Variants in FILIP1 observed in about 807,000 individuals in gnomAD.
FILIP1 encodes the protein filamin A interacting protein 1.
A neutral mutation model predicts 102.1 loss-of-function variants in FILIP1; 61 were observed. The ratio of observed to expected loss-of-function variants is 0.60; its 90% confidence interval spans 0.49 to 0.74. The LOEUF (loss-of-function observed/expected upper bound fraction) is 0.74, where lower values mean the gene tolerates loss of function less well. Ranked by LOEUF, FILIP1 falls within the 30% of genes least tolerant of loss-of-function variation. FILIP1 has a pLI of 0.00. For missense variants in FILIP1, 1,314 were observed against 1,441.2 expected (o/e 0.91, Z 1.43); for synonymous variants, 491 against 526.9 (o/e 0.93, Z 0.93).
intron 1 of FILIP1, among the ~76,000 whole-genome samples, chr6:75,457,433 G>A (rs1443371764): frequency 6.6e-6 from 1 of 152,134 alleles, no homozygotes. Flanking sequence ...TGACTGATGT[G>A]GGGTAAAATG....
intron 1 of FILIP1, chr6:75,465,597 T>A: frequency 2.4e-6 from 1 of 420,018 alleles, no homozygotes; most frequent in Non-Finnish European, 4.3e-6. Flanking sequence ...CTCTTCTCCA[T>A]CCCCTCATTC....
chr6:75,476,884 C>A (rs1392223464), intron 1 of FILIP1, among the ~76,000 whole-genome samples: 1 of 152,204 alleles, frequency 6.6e-6, no homozygotes, highest in East Asian at 1.9e-4. Context: ...GGTTTGATCT[C>A]ACTGAATGTC....
intron 1 of FILIP1, among the ~76,000 whole-genome samples, chr6:75,487,423 T>C (rs1373383786): frequency 1.3e-5 from 2 of 152,170 alleles, no homozygotes; most frequent in African/African-American, 4.8e-5. Context: ...TGCCTCTTCC[T>C]TTCCTGTTGT....
chr6:75,400,085 AG>A (rs969237495), intron 2 of FILIP1, among the ~76,000 whole-genome samples: 2 of 152,152 alleles, frequency 1.3e-5, no homozygotes, highest in African/African-American at 4.8e-5. Context: ...TGGAAAAAAT[AG>A]GTAAAGTGAT....
exon 7 of FILIP1, chr6:75,294,760 A>G (rs1772627227): frequency 6.6e-6 from 1 of 150,832 alleles, no homozygotes; most frequent in Non-Finnish European, 1.5e-5. Context: ...TGACACAATC[A>G]TGGCTCCCTG....
At chr6:75,319,081 T>G in intron 4 of FILIP1, 1 of 730,116 alleles carries the variant, frequency 1.4e-6, no homozygotes, top group Non-Finnish European at 2.5e-6. Context: ...TTCTTCCTCC[T>G]CTTCATCCTC....
At chr6:75,418,444 A>T (rs968542904) in intron 1 of FILIP1, among the ~76,000 whole-genome samples, 22 of 152,234 alleles carry the variant, frequency 1.4e-4, no homozygotes, top group Non-Finnish European at 2.9e-4. Context: ...ACAGTTATGA[A>T]AACAGGATGT....
At chr6:75,482,814 G>A (rs1779681370) in intron 1 of FILIP1, among the ~76,000 whole-genome samples, 2 of 152,078 alleles carry the variant, frequency 1.3e-5, no homozygotes, top group African/African-American at 2.4e-5. Context: ...TCAATCAATG[G>A]AAACTGGTCA....
At chr6:75,387,337 G>A (rs559167695) in intron 2 of FILIP1, among the ~76,000 whole-genome samples, 1 of 152,206 alleles carries the variant, frequency 6.6e-6, no homozygotes, top group Non-Finnish European at 1.5e-5. Flanking sequence ...TGTGAATAGT[G>A]CTGCAATAAA....
At chr6:75,354,070 CT>C (rs1312807996) in intron 3 of FILIP1, among the ~76,000 whole-genome samples, 4 of 151,926 alleles carry the variant, frequency 2.6e-5, no homozygotes, top group African/African-American at 9.7e-5. Context: ...TAATGCTGTT[CT>C]GAATATTCTA....
chr6:75,414,782 T>G lies in FILIP1; in HGVS notation c.191A>C (p.Glu64Ala). 1.2e-6 allele frequency: 2 copies of G among 1,613,898 alleles called. No individual in the cohort carries two copies. The highest frequency in any genetic ancestry group is 1.7e-6 in the Non-Finnish European group (2 of 1,179,828). Residue 64 changes from glutamate (E) to alanine (A), a missense_variant, in exon 2 of 6, where the codon GAA (glutamate) becomes GCA (alanine). Transcript: ENST00000237172. ...GGATTTCTTAGTTTTTCGTTCACATTCTCCAGATGTTTTTAGGTGTCGTTT... is the reference window on the plus strand; with the variant it reads ...GGATTTCTTAGTTTTTCGTTCACATGCTCCAGATGTTTTTAGGTGTCGTTT... Reference protein sequence around the residue: ...TVKRHLKTSGECERKTKKSLE... With the variant: ...TVKRHLKTSGACERKTKKSLE...
At chr6:75,427,401 T>C (rs1260539908) in intron 1 of FILIP1, among the ~76,000 whole-genome samples, 1 of 152,166 alleles carries the variant, frequency 6.6e-6, no homozygotes, top group Admixed American at 6.6e-5. Context: ...TTTCAGGCTA[T>C]GCATGCAAAG....
At chr6:75,306,006 G>A (rs1422010438), downstream of FILIP1, among the ~76,000 whole-genome samples, 1 of 152,320 alleles carries the variant, frequency 6.6e-6, no homozygotes, top group Non-Finnish European at 1.5e-5. Flanking sequence ...CATCTTAAAA[G>A]TACTGTCTTC....
Position 75,444,578 on chromosome 6 carries a change from T to C in FILIP1, c.-6-29600A>G, listed in dbSNP as rs992464824. ...TCAAAAAAGGACCCCACAGGAGTTT[T>C]TAGGTGTCCCCTACCATCGTAAGTT... On this transcript the variant is annotated intron_variant, in intron 1 of 5. Transcript: ENST00000237172. 9.2e-5 allele frequency among the ~76,000 whole-genome samples: 14 copies of C among 152,156 alleles called. 1 individual carries two copies. Among genetic ancestry groups the C allele is most frequent in the South Asian group, 4.1e-4 (2 of 4,830 alleles).
At chr6:75,319,740 T>C (rs1490273001) in intron 4 of FILIP1, 1 of 311,706 alleles carries the variant, frequency 3.2e-6, no homozygotes, top group Non-Finnish European at 6.1e-6. Flanking sequence ...TGAGGCAGGA[T>C]AATTGTGTGA....
At chr6:75,469,526 A>T (rs976156208) in intron 1 of FILIP1, among the ~76,000 whole-genome samples, 4 of 152,056 alleles carry the variant, frequency 2.6e-5, no homozygotes, top group African/African-American at 7.2e-5. Context: ...TTTAAAAAAT[A>T]AAAAAGAATG....
intron 1 of FILIP1, among the ~76,000 whole-genome samples, chr6:75,431,817 A>G: frequency 6.6e-6 from 1 of 152,216 alleles, no homozygotes; most frequent in East Asian, 1.9e-4. Flanking sequence ...ATACACAAAG[A>G]CTAGTGGGAG....
chr6:75,303,641 T>C (rs1317877029), downstream of FILIP1, among the ~76,000 whole-genome samples: 1 of 152,120 alleles, frequency 6.6e-6, no homozygotes, highest in African/African-American at 2.4e-5. Flanking sequence ...TACCTTGAGC[T>C]GTGAGATTCT....
intron 4 of FILIP1, among the ~76,000 whole-genome samples, chr6:75,352,452 G>T (rs1205477020): frequency 6.6e-6 from 1 of 152,168 alleles, no homozygotes. Flanking sequence ...AAAGAAGAAT[G>T]TATTATAAAA....
Sources: allele counts gnomAD v4.1 joint callset (sites outside exome capture counted in the v4.1 genomes callset), GRCh38; gene constraint gnomAD v4.1.1; transcripts MANE v1.5; gene names NCBI Gene and HGNC (gene_info 2026-07-23, HGNC 2026-07-21).